The following CSPG4 variants were observed in gnomAD, a reference collection of about 807,000 sequenced individuals.
CSPG4 encodes the protein chondroitin sulfate proteoglycan 4 (melanoma-associated).
CSPG4 carries 74 observed loss-of-function variants against 139.3 expected under a neutral mutation model. That is an observed-to-expected ratio of 0.53 (90% CI 0.44 to 0.64). CSPG4 has a LOEUF of 0.64. Among genes scored for constraint, CSPG4 ranks in the 30% least tolerant of loss-of-function variants. The probability of loss-of-function intolerance (pLI) is 0.00; values close to 1 mark genes in which losing one functional copy is unlikely to be tolerated. For synonymous variants in CSPG4, 1,234 were observed against 1,394.2 expected (o/e 0.89, Z 2.56); for missense variants, 2,565 against 3,148.3 (o/e 0.81, Z 4.43).
Position 75,689,287 on chromosome 15 carries a change from T to G in CSPG4, c.1778A>C (p.Gln593Pro), listed in dbSNP as rs772461503. The G allele has an allele frequency of 1.2e-6, 2 of 1,610,692 alleles. No individual in the cohort carries two copies. Among genetic ancestry groups the G allele is most frequent in the African/African-American group, 2.7e-5 (2 of 74,852 alleles). ...PDSACEGLTFQVLGTSSGLPV... is the reference protein window; with the variant it reads ...PDSACEGLTFPVLGTSSGLPV... ...GAGGCCAGAGGAGGTGCCAAGGACCTGGAAGGTGAGGCCCTCACAGGCAGA... is the reference window on the plus strand; with the variant it reads ...GAGGCCAGAGGAGGTGCCAAGGACCGGGAAGGTGAGGCCCTCACAGGCAGA... Residue 593 changes from glutamine to proline, a missense_variant, in exon 3 of 10, where the codon CAG becomes CCG. Physicochemically the swap from Gln to Pro is moderately conservative, Grantham distance 76 (BLOSUM62 -1). Transcript: ENST00000308508.
At position 75,677,067 on chromosome 15, in the gene CSPG4, A is replaced by G; in HGVS notation, c.5452T>C (p.Ser1818Pro). Residue 1818 changes from serine (S) to proline (P), a missense_variant, in exon 10 of 10, where the codon TCA (serine) becomes CCA (proline). Coordinates refer to ENST00000308508, the MANE Select transcript of CSPG4 (RefSeq NM_001897.5). Reference protein sequence around the residue: ...AGASVAGPQTSEAFAITVRDV... With the variant: ...AGASVAGPQTPEAFAITVRDV... ...CTCACCGTGATGGCAAAGGCCTCTG[A>G]GGTTTGGGGTCCAGCCACGGAGGCC... is the stretch of plus-strand genomic sequence containing the variant. 7.1e-7 allele frequency: 1 copy of G among 1,415,734 alleles called. No homozygotes were observed. Among genetic ancestry groups the G allele is most frequent in the Non-Finnish European group, 9.3e-7 (1 of 1,079,114 alleles). 87.7% of individuals were successfully genotyped at this position (1,415,734 alleles called of 1,614,324 possible).
chr15:75,676,016 G>A lies in CSPG4; in HGVS notation c.6503C>T (p.Ala2168Val), dbSNP rs1358866920. 2 of 1,563,092 alleles carry A rather than the reference G, an allele frequency of 1.3e-6. No individual in the cohort carries two copies. The highest frequency in any genetic ancestry group is 1.7e-6 in the Non-Finnish European group (2 of 1,159,334). The change falls in exon 10 of 10, where the codon GCC becomes GTC. Residue 2168 changes from alanine (A) to valine (V), a missense_variant. Transcript: ENST00000308508. ...GAGCAGGGCCACGCTGTAGGGCCGGGCAGCATTGTAAGGCTCAGTGGCAAA... is the reference window on the plus strand; with the variant it reads ...GAGCAGGGCCACGCTGTAGGGCCGGACAGCATTGTAAGGCTCAGTGGCAAA... ...LDFATEPYNA[A>V]RPYSVALLSV...
chr15:75,679,884 C>T (rs1458563557), intron 8 of CSPG4: 1 of 152,214 alleles, frequency 6.6e-6, no homozygotes, highest in Non-Finnish European at 1.5e-5. Context: ...TGGGGTTTCA[C>T]CATGTTAGCC....
Position 75,689,560 on chromosome 15 carries a change from C to A in CSPG4, c.1505G>T (p.Arg502Leu). The change falls in exon 3 of 10, where the codon CGC becomes CTC. Residue 502 changes from arginine to leucine, a missense_variant. Physicochemically the swap from Arg to Leu is moderately radical, Grantham distance 102. Around this residue, in one of 5 missense-constraint regions of CSPG4, gnomAD observed 2,316 missense variants for 2,818.2 expected, o/e 0.82. Coordinates refer to ENST00000308508, the MANE Select transcript of CSPG4 (RefSeq NM_001897.5). ...GCCATCGTGGATGAAGCGGGCCTTG[C>A]GGTTCACCACGTCCAGGAGGGTGAA... ...KMFTLLDVVN[R>L]KARFIHDGSE... 2.5e-6 allele frequency: 4 copies of A among 1,612,682 alleles called. No homozygotes were observed. The highest frequency in any genetic ancestry group is 2.5e-6 in the Non-Finnish European group (3 of 1,179,780).
In CSPG4 at chr15:75,688,669, T is replaced by A; in HGVS notation, c.2396A>T (p.Gln799Leu). ...LEPLHTQNTQ[Q>L]ETLTTAHLEA... ...CAGGTGGGCTGTGGTGAGGGTCTCCTGCTGGGTGTTCTGAGTGTGCAGTGG... is the reference window on the plus strand; with the variant it reads ...CAGGTGGGCTGTGGTGAGGGTCTCCAGCTGGGTGTTCTGAGTGTGCAGTGG... Residue 799 changes from glutamine to leucine, a missense_variant, in exon 3 of 10, where the codon CAG (glutamine) becomes CTG (leucine). Coordinates refer to ENST00000308508, the MANE Select transcript of CSPG4 (RefSeq NM_001897.5). The A allele has an allele frequency of 1.9e-6, 3 of 1,612,228 alleles. No individual in the cohort carries two copies. The highest frequency in any genetic ancestry group is 2.5e-6 in the Non-Finnish European group (3 of 1,179,612).
intron 1 of CSPG4, among the ~76,000 whole-genome samples, chr15:75,701,766 C>T (rs1261531880): frequency 1.3e-5 from 2 of 152,194 alleles, no homozygotes; most frequent in Non-Finnish European, 2.9e-5. Flanking sequence ...CACAGGAACC[C>T]CCAAGCCCAA....
rs373576813 is a variant in CSPG4 at position 75,689,158 on chromosome 15, T to C, written c.1907A>G (p.Gln636Arg). ...LVYVHRGGPA[Q>R]DLTFRVSDGL... ...ATCGCTGACCCGGAACGTCAAGTCC[T>C]GTGCAGGACCACCGCGGTGGACATA... Residue 636 changes from glutamine to arginine, a missense_variant, in exon 3 of 10, where the codon CAG (glutamine) becomes CGG (arginine). Around this residue, in one of 5 missense-constraint regions of CSPG4, gnomAD observed 2,316 missense variants for 2,818.2 expected, o/e 0.82. Coordinates refer to ENST00000308508, the MANE Select transcript of CSPG4 (RefSeq NM_001897.5). 4.1e-5 allele frequency: 65 copies of C among 1,600,038 alleles called. No homozygotes were observed. The African/African-American group carries it at 8.4e-4, about 21-fold the overall frequency.
Position 75,677,392 on chromosome 15 carries a change from T to G in CSPG4, c.5135-8A>C. ...CCTCGGGGACCCAGAGACCTGGGGG[T>G]GGGACATAGGCTATGAGGGTCCAGC... On this transcript the variant is annotated splice_region_variant and splice_polypyrimidine_tract_variant and intron_variant, in intron 9 of 9. Transcript: ENST00000308508. 1 of 1,392,748 alleles carries G rather than the reference T, an allele frequency of 7.2e-7. No individual in the cohort carries two copies. The highest frequency in any genetic ancestry group is 9.3e-7 in the Non-Finnish European group (1 of 1,070,004). 86.3% of individuals were successfully genotyped at this position (1,392,748 alleles called of 1,614,324 possible). A position where few individuals can be genotyped will look rare whatever the true frequency, so the allele number is the denominator to read the frequency against.
chr15:75,675,523 G>T lies in CSPG4; in HGVS notation c.*27C>A. 1 of 1,465,800 alleles carries T rather than the reference G, an allele frequency of 6.8e-7. No individual in the cohort carries two copies. The highest frequency in any genetic ancestry group is 1.6e-5 in the South Asian group (1 of 63,100). The allele number at this position is 1,465,800 out of a possible 1,614,324, so 90.8% of individuals were successfully genotyped here. ...ACATGGGCAAGCCTGTCCCTGGCCC[G>T]ATCAGCATCTGGGCCCAGGCCAGGC... On this transcript the variant is annotated 3_prime_UTR_variant, in exon 10 of 10. Transcript: ENST00000308508.
intron 1 of CSPG4, among the ~76,000 whole-genome samples, chr15:75,695,717 T>C (rs527801699): frequency 6.6e-6 from 1 of 151,594 alleles, no homozygotes; most frequent in Admixed American, 6.6e-5. Context: ...AGAATTAAGA[T>C]GTAATAAGCT....
intron 1 of CSPG4, among the ~76,000 whole-genome samples, chr15:75,699,212 C>CT (rs1247721340): frequency 2.0e-5 from 3 of 152,236 alleles, no homozygotes; most frequent in Non-Finnish European, 4.4e-5. Context: ...TGCTGGAGTG[C>CT]TAGGCACCTG....
In CSPG4 at chr15:75,682,666, G is replaced by A. The variant is rs764282652; in HGVS notation, c.4724C>T (p.Thr1575Met). The change falls in exon 7 of 10, where the codon ACG becomes ATG. Residue 1575 changes from threonine (T) to methionine (M), a missense_variant. Physicochemically the swap from Thr to Met is moderately conservative, Grantham distance 81 (BLOSUM62 -1). This residue lies in a region of CSPG4 where 2,316 missense variants were observed against 2,818.2 expected (regional missense o/e 0.82). Coordinates refer to ENST00000308508, the MANE Select transcript of CSPG4 (RefSeq NM_001897.5). Reference sequence around the variant, plus strand: ...CGAGAGGAGCACTTGCTTCTGGGCCGTCACTCGGAAGAAGTGTCCGGGGGA... The same window carrying A: ...CGAGAGGAGCACTTGCTTCTGGGCCATCACTCGGAAGAAGTGTCCGGGGGA... ...HTSPGHFFRVTAQKQVLLSLK... is the reference protein window; with the variant it reads ...HTSPGHFFRVMAQKQVLLSLK... The A allele has an allele frequency of 1.4e-5, 22 of 1,612,986 alleles. No homozygotes were observed. The highest frequency in any genetic ancestry group is 3.3e-4 in the Middle Eastern group (2 of 6,084).
chr15:75,678,004 C>A (rs1464648305), intron 8 of CSPG4, 118 bp from the exon 9 acceptor site: 1 of 865,364 alleles, frequency 1.2e-6, no homozygotes, highest in Non-Finnish European at 1.7e-6. Context: ...CAGGTCTGTG[C>A]GTGTGACCCG....
Position 75,676,736 on chromosome 15 carries a change from G to T in CSPG4, c.5783C>A (p.Pro1928His), listed in dbSNP as rs369922077. 5.7e-6 allele frequency: 9 copies of T among 1,577,692 alleles called. No homozygotes were observed. Among genetic ancestry groups the T allele is most frequent in the South Asian group, 1.2e-5 (1 of 86,554 alleles). The stretch of plus-strand genomic sequence containing the variant: ...GTCCACAGCCAGGGACATGGGCAGG[G>T]GTGGGCTGGCCCCATCAGACATGCT... ...QLSMSDGASPPLPMSLAVDIL... is the reference protein window; with the variant it reads ...QLSMSDGASPHLPMSLAVDIL... The change falls in exon 10 of 10, where the codon CCC (proline) becomes CAC (histidine). Residue 1928 changes from proline (P) to histidine (H), a missense_variant. By Grantham distance (77) the Pro-to-His change is moderately conservative (BLOSUM62 -2). Coordinates refer to ENST00000308508, the MANE Select transcript of CSPG4 (RefSeq NM_001897.5).
In CSPG4 at chr15:75,687,759, C is replaced by G; in HGVS notation, c.3306G>C (p.Trp1102Cys). 1.2e-6 allele frequency: 2 copies of G among 1,612,960 alleles called. No homozygotes were observed. Among genetic ancestry groups the G allele is most frequent in the Non-Finnish European group, 1.7e-6 (2 of 1,180,022 alleles). Residue 1102 changes from tryptophan to cysteine, a missense_variant, in exon 3 of 10, where the codon TGG (tryptophan) becomes TGC (cysteine). This residue lies in a region of CSPG4 where 2,316 missense variants were observed against 2,818.2 expected (regional missense o/e 0.82). Coordinates refer to ENST00000308508, the MANE Select transcript of CSPG4 (RefSeq NM_001897.5). The surrounding 1 kb of genome is among the most constrained non-coding windows in gnomAD (Gnocchi z 5.4). ...GCCCGTCGGACACCTGCAGCTGGAT[C>G]CAGCCACGGTCAGCCCCTGAGTGCA... ...LFVHSGADRG[W>C]IQLQVSDGQH... is the part of the protein sequence containing the mutation.
rs202231541 is a variant in CSPG4, at chr15:75,712,783, G to C, written c.-28C>G. The stretch of plus-strand genomic sequence containing the variant: ...CGGCGGGCTGGGCGGCAGGACTTGC[G>C]AGGAGCCAGCGGAGTCCTGGGAGCT... On this transcript the variant is annotated 5_prime_UTR_variant, in exon 1 of 10. Coordinates refer to ENST00000308508, the MANE Select transcript of CSPG4 (RefSeq NM_001897.5). The C allele has an allele frequency of 4.9e-4, 747 of 1,526,844 alleles. 5 individuals are homozygous for C. The African/African-American group carries it at 9.4e-3, about 19-fold the overall frequency. 94.6% of individuals were successfully genotyped at this position (1,526,844 alleles called of 1,614,324 possible). A position where few individuals can be genotyped will look rare whatever the true frequency, so the allele number is the denominator to read the frequency against.
At position 75,688,303 on chromosome 15, in the gene CSPG4, T is replaced by G; in HGVS notation, c.2762A>C (p.His921Pro). 6.2e-7 allele frequency: 1 copy of G among 1,612,906 alleles called. No homozygotes were observed. The highest frequency in any genetic ancestry group is 8.5e-7 in the Non-Finnish European group (1 of 1,179,982). ...ACTGTTGAGACTCTTGACAAAGAGG[T>G]GGTCAGCAGAGAGGACACCCTCACC... ...EGGEGVLSAD[H>P]LFVKSLNSAS... The change falls in exon 3 of 10, where the codon CAC (histidine) becomes CCC (proline). Residue 921 changes from histidine to proline, a missense_variant. By Grantham distance (77) the His-to-Pro change is moderately conservative. Transcript: ENST00000308508.
At chr15:75,681,882 C>T (rs1893978607) in intron 8 of CSPG4, among the ~76,000 whole-genome samples, 1 of 152,246 alleles carries the variant, frequency 6.6e-6, no homozygotes, top group Non-Finnish European at 1.5e-5. Context: ...GCTCACACCT[C>T]TGCCCACAGG....
chr15:75,685,633 G>A lies in CSPG4; in HGVS notation c.3858C>T (p.Tyr1286=). ...FSVKSPPSAG[Y]LVMVSRGALA... is the part of the protein sequence containing the mutation. The stretch of plus-strand genomic sequence containing the variant: ...AGGCGCCACGCGACACCATCACCAG[G>A]TAGCCGGCACTCGGTGGGCTCTTCA... The change falls in exon 4 of 10, where the codon TAC becomes TAT. Residue 1286 remains tyrosine (Y), a synonymous_variant. Coordinates refer to ENST00000308508, the MANE Select transcript of CSPG4 (RefSeq NM_001897.5). 6.2e-7 allele frequency: 1 copy of A among 1,609,766 alleles called. No individual in the cohort carries two copies. The highest frequency in any genetic ancestry group is 8.5e-7 in the Non-Finnish European group (1 of 1,179,702).
Sources: gnomAD v4.1 joint callset for allele counts (sites outside exome capture counted in the v4.1 genomes callset) on GRCh38, gnomAD v4.1.1 for gene constraint, gnomAD v4.1.1 regional missense constraint, Gnocchi (gnomAD v3.1) non-coding constraint, MANE v1.5 for transcripts, NCBI Gene and HGNC (gene_info 2026-07-23, HGNC 2026-07-21) for gene names.